Variants in CERS6 observed in about 807,000 individuals in gnomAD.
The protein encoded by CERS6 is ceramide synthase 6, also known as LAG1 homolog, ceramide synthase 6.
Under a neutral mutation model 56.8 loss-of-function variants are expected in CERS6, and 26 were observed. The observed-to-expected ratio is 0.46, with a 90% confidence interval of 0.34 to 0.63. The LOEUF is 0.63. CERS6 is among the 30% of genes least tolerant of loss of function. The probability of loss-of-function intolerance (pLI) is 0.01; values close to 1 mark genes in which losing one functional copy is unlikely to be tolerated. For synonymous variants in CERS6, 164 were observed against 173.3 expected, an observed-to-expected ratio of 0.95 and a Z score of 0.42; for missense variants, 415 against 467.5, an observed-to-expected ratio of 0.89 and a Z score of 1.04.
intron 2 of CERS6, among the ~76,000 whole-genome samples, chr2:168,557,313 CAAATT>C (rs1438999681): frequency 3.9e-5 from 6 of 152,090 alleles, no homozygotes; most frequent in Non-Finnish European, 7.4e-5. Flanking sequence ...ACACAAAAGA[CAAATT>C]AAATAAAGAT....
intron 3 of CERS6, among the ~76,000 whole-genome samples, chr2:168,599,154 A>G (rs1448689741): frequency 3.9e-5 from 6 of 152,210 alleles, no homozygotes; most frequent in African/African-American, 7.2e-5. Context: ...AGGTTAAGCA[A>G]ATTGACTCAG....
At chr2:168,692,281 A>G (rs150283794) in intron 5 of CERS6, among the ~76,000 whole-genome samples, 232 of 152,328 alleles carry the variant, frequency 1.5e-3, no homozygotes, top group African/African-American at 5.4e-3. Context: ...ACATTGTCAC[A>G]TAAGGCTCCT....
At chr2:168,674,297 A>G (rs186716980) in intron 4 of CERS6, among the ~76,000 whole-genome samples, 118 of 152,298 alleles carry the variant, frequency 7.7e-4, no homozygotes, top group Non-Finnish European at 1.4e-3. Context: ...TGACTTGTGA[A>G]AATCCTGAAG....
At chr2:168,576,821 AAT>A (rs1468054593) in intron 3 of CERS6, among the ~76,000 whole-genome samples, 2 of 152,184 alleles carry the variant, frequency 1.3e-5, no homozygotes, top group Non-Finnish European at 2.9e-5. Context: ...TTTGAAGATA[AAT>A]AGAATCTTCT....
intron 4 of CERS6, among the ~76,000 whole-genome samples, chr2:168,640,397 T>C (rs1213212031): frequency 6.6e-6 from 1 of 152,218 alleles, no homozygotes; most frequent in Non-Finnish European, 1.5e-5. Context: ...TCCAAAGAGC[T>C]TCTGTTCATA....
intron 3 of CERS6, among the ~76,000 whole-genome samples, chr2:168,564,611 C>T (rs1423418955): frequency 1.3e-5 from 2 of 152,148 alleles, no homozygotes; most frequent in Admixed American, 6.5e-5. Flanking sequence ...CATCTTCCTT[C>T]TAGAGGGTTG....
chr2:168,498,722 G>A (rs1256826929), intron 1 of CERS6, among the ~76,000 whole-genome samples: 1 of 152,232 alleles, frequency 6.6e-6, no homozygotes, highest in Non-Finnish European at 1.5e-5. Flanking sequence ...GCCGTGGCTG[G>A]TGGTCTCTTA....
intron 1 of CERS6, among the ~76,000 whole-genome samples, chr2:168,500,957 A>G (rs932284780): frequency 1.3e-5 from 2 of 152,240 alleles, no homozygotes; most frequent in Non-Finnish European, 2.9e-5. Context: ...TAAAGCGACT[A>G]TAAAGTAGAT....
intron 8 of CERS6, among the ~76,000 whole-genome samples, chr2:168,764,061 A>G (rs1220434794): frequency 6.6e-6 from 1 of 152,252 alleles, no homozygotes; most frequent in Non-Finnish European, 1.5e-5. Context: ...AGAGAGAACC[A>G]GTTACCTCAA....
At chr2:168,527,868 G>A (rs1239377037) in intron 1 of CERS6, among the ~76,000 whole-genome samples, 3 of 151,970 alleles carry the variant, frequency 2.0e-5, no homozygotes, top group Non-Finnish European at 4.4e-5. Context: ...CTACAGGTGT[G>A]CACCACCACA....
chr2:168,576,374 T>A (rs1683270214), intron 3 of CERS6, among the ~76,000 whole-genome samples: 1 of 152,184 alleles, frequency 6.6e-6, no homozygotes. Context: ...TTTGTTTCAT[T>A]TACTGCCCAA....
chr2:168,694,988 C>T lies in CERS6; in HGVS notation c.546C>T (p.Tyr182=), dbSNP rs1386443870. ...TCACAACTGACCTTCACTACTATTA[C>T]ATCCTGGAGCTGTCGTTTTATTGGT... ...QPLTTDLHYY[Y]ILELSFYWSL... is the part of the protein sequence containing the mutation. The change falls in exon 6 of 10, where the codon TAC becomes TAT. Residue 182 remains tyrosine (Y), a synonymous_variant. Transcript: ENST00000305747. 3 of 1,613,396 alleles carry T rather than the reference C, an allele frequency of 1.9e-6. No homozygotes were observed. Among genetic ancestry groups the T allele is most frequent in the East Asian group, 2.2e-5 (1 of 44,882 alleles).
At chr2:168,698,191 C>T (rs571661994) in intron 6 of CERS6, among the ~76,000 whole-genome samples, 13 of 148,014 alleles carry the variant, frequency 8.8e-5, no homozygotes, top group Admixed American at 5.4e-4. Context: ...AAGATGGCAC[C>T]GCCGCACTCC....
intron 1 of CERS6, among the ~76,000 whole-genome samples, chr2:168,489,296 T>A (rs1298606236): frequency 6.6e-6 from 1 of 152,160 alleles, no homozygotes; most frequent in African/African-American, 2.4e-5. Context: ...TCTGTAATAA[T>A]GTGTAACTTT....
chr2:168,527,392 G>C (rs969685560), intron 1 of CERS6, among the ~76,000 whole-genome samples: 11 of 152,182 alleles, frequency 7.2e-5, no homozygotes, highest in African/African-American at 2.6e-4. Flanking sequence ...CAAAGTCCAT[G>C]GTTTACTTTA....
At chr2:168,617,744 C>T (rs775975934) in intron 3 of CERS6, among the ~76,000 whole-genome samples, 2 of 151,636 alleles carry the variant, frequency 1.3e-5, no homozygotes, top group Non-Finnish European at 2.9e-5. Context: ...TAATTAAAAG[C>T]TTAGCAACAA....
chr2:168,602,050 A>G (rs1434677335), intron 3 of CERS6, among the ~76,000 whole-genome samples: 1 of 152,222 alleles, frequency 6.6e-6, no homozygotes, highest in Non-Finnish European at 1.5e-5. Context: ...AAGTCAATAA[A>G]GTTAATTTAG....
intron 8 of CERS6, among the ~76,000 whole-genome samples, chr2:168,731,185 T>C (rs1683521528): frequency 6.6e-6 from 1 of 152,154 alleles, no homozygotes; most frequent in African/African-American, 2.4e-5. Context: ...GCTAATTAAA[T>C]AGGGAAATAT....
intron 1 of CERS6, among the ~76,000 whole-genome samples, chr2:168,501,374 G>A (rs559392013): frequency 6.6e-6 from 1 of 152,200 alleles, no homozygotes; most frequent in Non-Finnish European, 1.5e-5. Flanking sequence ...ACCTTTTCAA[G>A]TATACATAGT....
Sources: gnomAD v4.1 joint callset for allele counts (sites outside exome capture counted in the v4.1 genomes callset) on GRCh38, gnomAD v4.1.1 for gene constraint, MANE v1.5 for transcripts, NCBI Gene and HGNC (gene_info 2026-07-23, HGNC 2026-07-21) for gene names.